Variants in TRERF1 observed in about 807,000 individuals in gnomAD.
The protein encoded by TRERF1 is transcriptional regulating factor 1.
In TRERF1, 27 loss-of-function variants were observed where a neutral mutation model predicts 122.9. That is an observed-to-expected ratio of 0.22 (90% CI 0.16 to 0.30). TRERF1 has a LOEUF of 0.30. Among genes scored for constraint, TRERF1 ranks in the 10% least tolerant of loss-of-function variants. TRERF1 has a pLI of 1.00. For missense variants in TRERF1, 1,248 were observed against 1,560.3 expected (o/e 0.80, Z 3.37); for synonymous variants, 636 against 641.7 (o/e 0.99, Z 0.13).
intron 3 of TRERF1, among the ~76,000 whole-genome samples, chr6:42,325,675 A>C (rs1764168009): frequency 6.6e-6 from 1 of 152,146 alleles, no homozygotes. Flanking sequence ...GGAAATCAAG[A>C]CTAGGCTGGA....
At chr6:42,357,147 G>C (rs749287826) in intron 3 of TRERF1, among the ~76,000 whole-genome samples, 7 of 151,578 alleles carry the variant, frequency 4.6e-5, no homozygotes, top group Non-Finnish European at 5.9e-5. Flanking sequence ...TGACCAACAT[G>C]GTGAAACCCT....
chr6:42,301,624 A>G (rs1167639720), intron 3 of TRERF1, among the ~76,000 whole-genome samples: 1 of 152,240 alleles, frequency 6.6e-6, no homozygotes, highest in Non-Finnish European at 1.5e-5. Flanking sequence ...AAATGAAAAG[A>G]TACTGATACA....
At chr6:42,241,953 G>A (rs964185670) in intron 15 of TRERF1, among the ~76,000 whole-genome samples, 1 of 152,132 alleles carries the variant, frequency 6.6e-6, no homozygotes, top group African/African-American at 2.4e-5. Flanking sequence ...ATATGAGTGG[G>A]GCGTTGTGGT....
intron 2 of TRERF1, among the ~76,000 whole-genome samples, chr6:42,429,013 C>T (rs1416310764): frequency 2.6e-5 from 4 of 152,184 alleles, no homozygotes; most frequent in South Asian, 2.1e-4. Context: ...GACTTGACTC[C>T]GGTCCCAGGC....
At chr6:42,305,381 T>A (rs1293317572) in intron 3 of TRERF1, among the ~76,000 whole-genome samples, 1 of 152,092 alleles carries the variant, frequency 6.6e-6, no homozygotes, top group East Asian at 1.9e-4. Flanking sequence ...TATCAGAACC[T>A]CAGTTTCCCT....
intron 3 of TRERF1, among the ~76,000 whole-genome samples, chr6:42,304,218 G>A (rs1383812064): frequency 6.6e-6 from 1 of 152,242 alleles, no homozygotes; most frequent in African/African-American, 2.4e-5. Flanking sequence ...GAAGCCTCAC[G>A]GGGGTGTTAC....
intron 3 of TRERF1, among the ~76,000 whole-genome samples, chr6:42,305,841 T>A (rs957914821): frequency 6.6e-6 from 1 of 152,024 alleles, no homozygotes; most frequent in Non-Finnish European, 1.5e-5. Context: ...GAGGAATCAC[T>A]GCAATGAGAT....
At position 42,353,459 on chromosome 6, in the gene TRERF1, G is replaced by T. The variant is rs531199549; in HGVS notation, c.-371+9538C>A. ...AAAAATCAGCTAGGCGTGGTGGCGG[G>T]TGCCTACAATCCCAGCTACTCAGGA... On this transcript the variant is annotated intron_variant, in intron 3 of 17. Coordinates refer to ENST00000372922, the Ensembl canonical transcript of TRERF1. 7.9e-5 allele frequency among the ~76,000 whole-genome samples: 12 copies of T among 152,038 alleles called. No homozygotes were observed. In the South Asian group the frequency reaches 2.5e-3, roughly 32 times the overall value.
Position 42,392,548 on chromosome 6 carries a change from T to A in TRERF1, c.-453-29469A>T, listed in dbSNP as rs575483189. Among the ~76,000 whole-genome samples, 79 of 152,298 alleles carry A rather than the reference T, an allele frequency of 5.2e-4. 2 individuals are homozygous for A. Among genetic ancestry groups the A allele is most frequent in the African/African-American group, 1.9e-3 (78 of 41,568 alleles). Reference sequence around the variant, plus strand: ...GGCTAACTAACTGAAATTCTGTGTGTGTAAGACCTATCCAGAAAGGATCAT... The same window carrying A: ...GGCTAACTAACTGAAATTCTGTGTGAGTAAGACCTATCCAGAAAGGATCAT... On this transcript the variant is annotated intron_variant, in intron 2 of 17. Coordinates refer to ENST00000372922, the Ensembl canonical transcript of TRERF1.
chr6:42,451,927 G>C lies in TRERF1; in HGVS notation c.-539+94C>G, dbSNP rs375541670. The C allele has an allele frequency of 1.3e-5, 2 of 152,536 alleles. No individual in the cohort carries two copies. Among genetic ancestry groups the C allele is most frequent in the Non-Finnish European group, 2.9e-5 (2 of 68,060 alleles). 9.4% of individuals were successfully genotyped at this position (152,536 alleles called of 1,614,324 possible). On this transcript the variant is annotated intron_variant, in intron 1 of 17. Transcript: ENST00000372922. The stretch of plus-strand genomic sequence containing the variant: ...CTCTCAGCCATCGCTTAGAGGGAAG[G>C]GGGTGTGCTGGGGAGACAGAAATAC...
At chr6:42,394,058 C>T (rs1422980475) in intron 2 of TRERF1, among the ~76,000 whole-genome samples, 1 of 152,028 alleles carries the variant, frequency 6.6e-6, no homozygotes, top group African/African-American at 2.4e-5. Flanking sequence ...CTTTTATGAC[C>T]ATAAAACAGT....
chr6:42,243,254 A>G lies in TRERF1; in HGVS notation c.2853T>C (p.Asp951=), dbSNP rs1451380407. Residue 951 remains aspartate, a synonymous_variant, in exon 15 of 18, where the codon GAT becomes GAC. Transcript: ENST00000372922. ...ACTTAGCAGCTTCACTCACCACACAATCGTCGATGATTTCTGCCAGGCGTG... is the reference window on the plus strand; with the variant it reads ...ACTTAGCAGCTTCACTCACCACACAGTCGTCGATGATTTCTGCCAGGCGTG... The G allele has an allele frequency of 3.1e-6, 5 of 1,613,574 alleles. No individual in the cohort carries two copies. In the African/African-American group the frequency reaches 5.3e-5, roughly 17 times the overall value.
intron 3 of TRERF1, among the ~76,000 whole-genome samples, chr6:42,303,858 G>A (rs1026517428): frequency 7.7e-6 from 1 of 129,804 alleles, no homozygotes; most frequent in African/African-American, 3.0e-5. Flanking sequence ...AGCAGAGATC[G>A]CACCACTGCA....
intron 3 of TRERF1, among the ~76,000 whole-genome samples, chr6:42,309,705 A>G (rs906782824): frequency 2.0e-5 from 3 of 152,240 alleles, no homozygotes; most frequent in Non-Finnish European, 4.4e-5. Flanking sequence ...GCTGTCCAAT[A>G]TGGCAGCTAC....
intron 2 of TRERF1, among the ~76,000 whole-genome samples, chr6:42,420,637 C>T (rs185498522): frequency 3.3e-4 from 50 of 152,154 alleles, no homozygotes; most frequent in Non-Finnish European, 6.0e-4. Flanking sequence ...AATAAATGTA[C>T]ATTTGTTACA....
At position 42,303,112 on chromosome 6, in the gene TRERF1, C is replaced by T. The variant is rs577000295; in HGVS notation, c.-370-2363G>A. Among the ~76,000 whole-genome samples, 3 of 152,302 alleles carry T rather than the reference C, an allele frequency of 2.0e-5. No individual in the cohort carries two copies. The East Asian group carries it at 5.8e-4, about 29-fold the overall frequency. On this transcript the variant is annotated intron_variant, in intron 3 of 17. Transcript: ENST00000372922. ...GGAAATGAAATTAACTAGTTCAATC[C>T]ATTCATCTAACCATCCATTCACCCA...
chr6:42,283,947 G>A (rs1485561612), intron 4 of TRERF1, among the ~76,000 whole-genome samples: 3 of 152,032 alleles, frequency 2.0e-5, no homozygotes, highest in Non-Finnish European at 2.9e-5. Flanking sequence ...CTTAATTGCA[G>A]TACATTAATG....
chr6:42,371,246 A>G (rs189412780), intron 2 of TRERF1, among the ~76,000 whole-genome samples: 2 of 152,328 alleles, frequency 1.3e-5, no homozygotes, highest in African/African-American at 2.4e-5. Flanking sequence ...AGCACGTCCA[A>G]GGCCTAGCAG....
In TRERF1 at chr6:42,446,348, T is replaced by C. The variant is rs529900821; in HGVS notation, c.-454+4829A>G. On this transcript the variant is annotated intron_variant, in intron 2 of 17. Transcript: ENST00000372922. ...CTTGACCACCTGTGCCTCTTTGAGT[T>C]CTCCAAAACCAAAGTCCTTCTGCAC... Among the ~76,000 whole-genome samples the C allele has an allele frequency of 2.6e-5, 4 of 152,266 alleles. No individual in the cohort carries two copies. In the South Asian group the frequency reaches 8.3e-4, roughly 32 times the overall value.
Sources: allele counts gnomAD v4.1 joint callset (sites outside exome capture counted in the v4.1 genomes callset), GRCh38; gene constraint gnomAD v4.1.1; transcripts MANE v1.5; gene names NCBI Gene and HGNC (gene_info 2026-07-23, HGNC 2026-07-21).